The following SETD2 variants were observed in gnomAD, a reference collection of about 807,000 sequenced individuals.
The protein encoded by SETD2 is histone-lysine N-methyltransferase SETD2.
Under a neutral mutation model 242.1 loss-of-function variants are expected in SETD2, and 31 were observed. The observed-to-expected ratio is 0.13, with a 90% CI of 0.10 to 0.17. The LOEUF is 0.17. Ranked by LOEUF, SETD2 falls within the 10% of genes least tolerant of loss-of-function variation. The pLI, the probability that SETD2 is intolerant of heterozygous loss-of-function variation, is 1.00. For synonymous variants in SETD2, 1,006 were observed against 1,066.5 expected, an observed-to-expected ratio of 0.94 and a Z score of 1.11; for missense variants, 2,481 against 3,046.3, an observed-to-expected ratio of 0.81 and a Z score of 4.37.
rs1303815832 is a variant in SETD2, at chr3:47,122,578, A to C, written c.2058T>G (p.Phe686Leu). Residue 686 changes from phenylalanine to leucine, a missense_variant, in exon 3 of 21, where the codon TTT becomes TTG. Phe to Leu is a conservative substitution (Grantham distance 22). Coordinates refer to ENST00000409792, the MANE Select transcript of SETD2 (RefSeq NM_014159.7). ...SPGAESDLAT[F>L]CTSKTDAVLM... is the part of the protein sequence containing the mutation. ...AAACAGCATCAGTTTTAGAAGTGCAAAATGTTGCCAAATCAGATTCTGCCC... is the reference window on the plus strand; with the variant it reads ...AAACAGCATCAGTTTTAGAAGTGCACAATGTTGCCAAATCAGATTCTGCCC... 6.2e-7 allele frequency: 1 copy of C among 1,614,026 alleles called. No individual in the cohort carries two copies. Among genetic ancestry groups the C allele is most frequent in the Non-Finnish European group, 8.5e-7 (1 of 1,180,008 alleles).
At chr3:47,119,493 G>A (rs2042987353) in intron 3 of SETD2, 1 of 166,158 alleles carries the variant, frequency 6.0e-6, no homozygotes, top group Admixed American at 6.3e-5. Context: ...CTCAACTTGA[G>A]GAGGTAACTG....
chr3:47,107,900 G>C (rs1249364981), intron 5 of SETD2, among the ~76,000 whole-genome samples: 1 of 152,042 alleles, frequency 6.6e-6, no homozygotes, highest in African/African-American at 2.4e-5. Context: ...AGAATTGCTT[G>C]AGCCCTGAGT....
intron 18 of SETD2, among the ~76,000 whole-genome samples, chr3:47,031,278 T>C (rs1338372654): frequency 1.3e-5 from 2 of 152,210 alleles, no homozygotes; most frequent in Non-Finnish European, 2.9e-5. Context: ...TGTGTCATAG[T>C]AGATTCATCA....
At chr3:47,059,656 G>A (rs2040250527) in intron 14 of SETD2, among the ~76,000 whole-genome samples, 1 of 152,032 alleles carries the variant, frequency 6.6e-6, no homozygotes, top group Non-Finnish European at 1.5e-5. Context: ...CTGACCTCAT[G>A]ATCCACTCGC....
chr3:47,041,262 T>C, intron 17 of SETD2: 2 of 310,528 alleles, frequency 6.4e-6, no homozygotes, highest in South Asian at 5.0e-5. Context: ...CAAATGTGCA[T>C]GGTTGTGCTC....
At chr3:47,107,566 T>C (rs1169180042) in intron 5 of SETD2, among the ~76,000 whole-genome samples, 1 of 152,136 alleles carries the variant, frequency 6.6e-6, no homozygotes, top group Admixed American at 6.6e-5. Context: ...ATTACCTCTA[T>C]AACCAATATT....
At chr3:47,050,524 T>C (rs1270932143) in intron 15 of SETD2, among the ~76,000 whole-genome samples, 8 of 152,024 alleles carry the variant, frequency 5.3e-5, no homozygotes, top group Admixed American at 4.6e-4. Flanking sequence ...TGCTACAAAA[T>C]ATGAAACTTT....
At chr3:47,058,465 C>CAAAAAAAAAAAAA (rs1448864045) in intron 14 of SETD2, among the ~76,000 whole-genome samples, 1 of 76,156 alleles carries the variant, frequency 1.3e-5, no homozygotes, top group African/African-American at 5.7e-5. Flanking sequence ...AAAAAAAAAA[C>CAAAAAAAAAAAAA]ACAAAGAGGG....
intron 15 of SETD2, among the ~76,000 whole-genome samples, chr3:47,050,888 G>T (rs1354282482): frequency 6.6e-6 from 1 of 150,782 alleles, no homozygotes; most frequent in Non-Finnish European, 1.5e-5. Context: ...GCGCCACCAA[G>T]CCCAGCTAAT....
intron 14 of SETD2, 119 bp from the exon 15 acceptor site, chr3:47,057,609 A>T: frequency 2.8e-6 from 2 of 711,176 alleles, no homozygotes; most frequent in Non-Finnish European, 4.7e-6. Flanking sequence ...CCTATTTGGC[A>T]CTGGTTTACA....
At chr3:47,104,223 TAAAAA>T (rs767312095) in intron 6 of SETD2, among the ~76,000 whole-genome samples, 107 of 136,568 alleles carry the variant, frequency 7.8e-4, no homozygotes, top group Non-Finnish European at 1.6e-3. Flanking sequence ...CTCTTTTCAC[TAAAAA>T]AAAAAAAAAA....
intron 1 of SETD2, among the ~76,000 whole-genome samples, chr3:47,132,810 GA>G (rs1285892142): frequency 6.6e-6 from 1 of 152,004 alleles, no homozygotes; most frequent in African/African-American, 2.4e-5. Context: ...CTCATTTAAA[GA>G]AAAAAACTGT....
chr3:47,040,146 T>G (rs1004869072), intron 17 of SETD2, among the ~76,000 whole-genome samples: 1 of 151,928 alleles, frequency 6.6e-6, no homozygotes. Flanking sequence ...GCCCAACTAA[T>G]TTTTGTATCT....
Position 47,103,289 on chromosome 3 carries a change from T to C in SETD2, c.4917+57A>G, listed in dbSNP as rs377456699. 103 of 1,140,484 alleles carry C rather than the reference T, an allele frequency of 9.0e-5. No individual in the cohort carries two copies. The African/African-American group carries it at 1.3e-3, about 15-fold the overall frequency. 70.6% of individuals were successfully genotyped at this position (1,140,484 alleles called of 1,614,324 possible). A position where few individuals can be genotyped will look rare whatever the true frequency, so the allele number is the denominator to read the frequency against. Reference sequence around the variant, plus strand: ...CCTTAGATATGGGATCTAAAATTAATGGTCAGAACAGCAATCGTGAACAAA... The same window carrying C: ...CCTTAGATATGGGATCTAAAATTAACGGTCAGAACAGCAATCGTGAACAAA... On this transcript the variant is annotated intron_variant, in intron 7 of 20. Transcript: ENST00000409792.
At chr3:47,060,144 A>G (rs1193620677) in intron 14 of SETD2, among the ~76,000 whole-genome samples, 2 of 152,134 alleles carry the variant, frequency 1.3e-5, no homozygotes, top group African/African-American at 2.4e-5. Flanking sequence ...AGTCCCATCT[A>G]CTGGATGGGT....
intron 9 of SETD2, among the ~76,000 whole-genome samples, chr3:47,089,035 TA>T (rs2041685148): frequency 6.6e-6 from 1 of 152,218 alleles, no homozygotes; most frequent in Non-Finnish European, 1.5e-5. Flanking sequence ...CCATCAATCT[TA>T]AAAATATGTC....
intron 1 of SETD2, among the ~76,000 whole-genome samples, chr3:47,146,278 T>C (rs926457260): frequency 1.3e-5 from 2 of 152,092 alleles, no homozygotes; most frequent in African/African-American, 4.8e-5. Context: ...AGAAGCTAGC[T>C]ATAAAACTGA....
chr3:47,151,060 A>G (rs956139541), intron 1 of SETD2, among the ~76,000 whole-genome samples: 1 of 152,180 alleles, frequency 6.6e-6, no homozygotes. Context: ...ACATTTACTA[A>G]GCATGTACTA....
At chr3:47,069,850 TAGAC>T (rs2040741755) in intron 12 of SETD2, among the ~76,000 whole-genome samples, 1 of 152,294 alleles carries the variant, frequency 6.6e-6, no homozygotes, top group South Asian at 2.1e-4. Context: ...GAGGGGTTAT[TAGAC>T]AGGAAAAAGT....
Sources: allele counts gnomAD v4.1 joint callset (sites outside exome capture counted in the v4.1 genomes callset), GRCh38; gene constraint gnomAD v4.1.1; transcripts MANE v1.5; gene names NCBI Gene and HGNC (gene_info 2026-07-23, HGNC 2026-07-21).